Variants in LAMP2 observed in about 807,000 individuals in gnomAD.
The protein encoded by LAMP2 is lysosome-associated membrane glycoprotein 2.
LAMP2 carries 4 observed loss-of-function variants against 25.6 expected under a neutral mutation model. The observed-to-expected ratio is 0.16, with a 90% CI of 0.08 to 0.36. The LOEUF (loss-of-function observed/expected upper bound fraction) is 0.36. LAMP2 is among the 10% of genes least tolerant of loss of function. The probability of loss-of-function intolerance (pLI) is 1.00; values close to 1 mark genes in which losing one functional copy is unlikely to be tolerated. For missense variants in LAMP2, 272 were observed against 301.4 expected, an observed-to-expected ratio of 0.90 and a Z score of 0.72; for synonymous variants, 108 against 112.7, an observed-to-expected ratio of 0.96 and a Z score of 0.27.
chrX:120,465,911 A>G (rs1304847607), intron 1 of LAMP2, among the ~76,000 whole-genome samples: 3 of 112,660 alleles, frequency 2.7e-5, no homozygotes, highest in Non-Finnish European at 3.7e-5. Flanking sequence ...AGCAACTGCT[A>G]AATTCTTGAC....
chrX:120,436,286 T>C (rs905895814), intron 8 of LAMP2, among the ~76,000 whole-genome samples: 3 of 111,332 alleles, frequency 2.7e-5, no homozygotes, highest in Non-Finnish European at 5.7e-5. Context: ...CCCAGGTTGA[T>C]CTTATTCTGT....
At chrX:120,466,797 T>G (rs1481355522) in intron 1 of LAMP2, among the ~76,000 whole-genome samples, 3 of 110,190 alleles carry the variant, frequency 2.7e-5, no homozygotes, top group African/African-American at 9.9e-5. Flanking sequence ...TGCTGTACAC[T>G]GGTGAGAGGA....
intron 8 of LAMP2, among the ~76,000 whole-genome samples, chrX:120,433,356 C>T (rs1228933100): frequency 1.8e-5 from 2 of 110,736 alleles, no homozygotes; most frequent in Non-Finnish European, 3.8e-5. Flanking sequence ...ATGATTAAGG[C>T]AGGACAAAAG....
In LAMP2 at chrX:120,428,446, C is replaced by G; in HGVS notation, c.*2877G>C. 1.7e-6 allele frequency: 2 copies of G among 1,147,876 alleles called. No individual in the cohort carries two copies. The highest frequency in any genetic ancestry group is 4.4e-5 in the South Asian group (2 of 45,399). 94.6% of individuals were successfully genotyped at this position (1,147,876 alleles called of 1,213,427 possible). A position where few individuals can be genotyped will look rare whatever the true frequency, so the allele number is the denominator to read the frequency against. Reference sequence around the variant, plus strand: ...CTTTTAGCCAATGGAAACGTAACTTCTAATTGAAAAAAACAAACAAACACT... The same window carrying G: ...CTTTTAGCCAATGGAAACGTAACTTGTAATTGAAAAAAACAAACAAACACT... On this transcript the variant is annotated 3_prime_UTR_variant, in exon 9 of 9. Transcript: ENST00000200639.
chrX:120,446,106 AC>A (rs2058594756), intron 6 of LAMP2, among the ~76,000 whole-genome samples, 198 bp downstream of exon 6: 1 of 111,135 alleles, frequency 9.0e-6, no homozygotes, highest in Non-Finnish European at 1.9e-5. Context: ...CTCTTGGTGA[AC>A]ATTAATGCAA....
chrX:120,442,022 T>C, intron 7 of LAMP2, 128 bp from the exon 8 acceptor site: 1 of 562,607 alleles, frequency 1.8e-6, no homozygotes, highest in Non-Finnish European at 3.0e-6. Context: ...GCAGATCACG[T>C]GAGCCCAGGA....
intron 6 of LAMP2, among the ~76,000 whole-genome samples, chrX:120,445,354 C>T (rs375419505): frequency 8.9e-6 from 1 of 112,043 alleles, no homozygotes; most frequent in Non-Finnish European, 1.9e-5. Flanking sequence ...CTCAATTACT[C>T]GGCATATATT....
intron 5 of LAMP2, among the ~76,000 whole-genome samples, chrX:120,447,313 C>G (rs942264124): frequency 1.1e-4 from 12 of 111,305 alleles, no homozygotes; most frequent in African/African-American, 3.9e-4. Context: ...GAGGCTGAGG[C>G]AGAAGAATCA....
chrX:120,443,976 G>C (rs1370274883), intron 6 of LAMP2, among the ~76,000 whole-genome samples: 1 of 105,698 alleles, frequency 9.5e-6, no homozygotes, highest in Non-Finnish European at 1.9e-5. Context: ...GCGAGACTCT[G>C]TCAAAGAAAG....
intron 8 of LAMP2, among the ~76,000 whole-genome samples, chrX:120,435,891 G>A (rs868108046): frequency 3.6e-5 from 4 of 111,075 alleles, no homozygotes; most frequent in Admixed American, 1.9e-4. Flanking sequence ...GAAGGCTCAA[G>A]TATTTTAGAG....
At position 120,436,861 on chromosome X, in the gene LAMP2, C is replaced by G. The variant is rs1207298282; in HGVS notation, c.1093+4869G>C. ...AACAGTGTTTATTAGAGGTATTTTA[C>G]TATGAATCAGGCATATAATCTGAAT... is the stretch of plus-strand genomic sequence containing the variant. On this transcript the variant is annotated intron_variant, in intron 8 of 8. Coordinates refer to ENST00000200639, the MANE Select transcript of LAMP2 (RefSeq NM_002294.3). The G allele has an allele frequency of 8.2e-6, 6 of 734,777 alleles. No homozygotes were observed. The African/African-American group carries it at 1.4e-4, about 17-fold the overall frequency. The allele number at this position is 734,777 out of a possible 1,213,427, so 60.6% of individuals were successfully genotyped here. A position where few individuals can be genotyped will look rare whatever the true frequency, so the allele number is the denominator to read the frequency against.
chrX:120,432,925 T>A (rs1375526326), intron 8 of LAMP2, among the ~76,000 whole-genome samples: 6 of 82,599 alleles, frequency 7.3e-5, no homozygotes, highest in Non-Finnish European at 1.3e-4. Flanking sequence ...CGAGAACCCA[T>A]CTCAAAAAAA....
intron 8 of LAMP2, among the ~76,000 whole-genome samples, chrX:120,440,375 C>T (rs979134808): frequency 1.3e-4 from 15 of 111,889 alleles, no homozygotes; most frequent in Non-Finnish European, 2.4e-4. Context: ...CCAATCAACA[C>T]TCTTCTGCCT....
chrX:120,454,043 G>A (rs1454583161), intron 3 of LAMP2, among the ~76,000 whole-genome samples: 1 of 110,783 alleles, frequency 9.0e-6, no homozygotes, highest in Admixed American at 9.6e-5. Context: ...AATATTCAAT[G>A]GAGAATTCCA....
At chrX:120,463,123 C>T (rs1921389176) in intron 1 of LAMP2, among the ~76,000 whole-genome samples, 1 of 111,775 alleles carries the variant, frequency 8.9e-6, no homozygotes, top group South Asian at 3.7e-4. Flanking sequence ...ACCTATTTAT[C>T]TTTGTTTTCT....
rs57747255 is a variant in LAMP2, at chrX:120,455,944, C to CAAA, written c.184-377_184-375dup. 6.2e-4 allele frequency among the ~76,000 whole-genome samples: 57 copies of CAAA among 92,430 alleles called. 1 individual carries two copies. The highest frequency in any genetic ancestry group is 1.8e-3 in the South Asian group (3 of 1,660). 80.3% of individuals were successfully genotyped at this position (92,430 alleles called of 115,157 possible). A position where few individuals can be genotyped will look rare whatever the true frequency, so the allele number is the denominator to read the frequency against. ...GTGCAAAAGTAATTGCAGTTTGTGCCAAAAAAAAAAATCGCTTACTTAGGT... is the reference window on the plus strand; with the variant it reads ...GTGCAAAAGTAATTGCAGTTTGTGCCAAAAAAAAAAAAAATCGCTTACTTAGGT... On this transcript the variant is annotated intron_variant, in intron 2 of 8. Coordinates refer to ENST00000200639, the MANE Select transcript of LAMP2 (RefSeq NM_002294.3).
chrX:120,455,124 T>C (rs2058640436), intron 3 of LAMP2, among the ~76,000 whole-genome samples: 1 of 105,471 alleles, frequency 9.5e-6, no homozygotes, highest in Non-Finnish European at 1.9e-5. Flanking sequence ...ACTTACTGTA[T>C]ACTAGGATAA....
At chrX:120,462,079 T>C (rs1921334563) in intron 1 of LAMP2, among the ~76,000 whole-genome samples, 1 of 112,030 alleles carries the variant, frequency 8.9e-6, no homozygotes, top group African/African-American at 3.2e-5. Flanking sequence ...TAAAAAACCA[T>C]AGATGAATAT....
rs1311498256 is a variant in LAMP2, at chrX:120,469,250, C to T, written c.-81G>A. 4.8e-6 allele frequency: 5 copies of T among 1,045,311 alleles called. No individual in the cohort carries two copies. The highest frequency in any genetic ancestry group is 3.7e-5 in the African/African-American group (2 of 54,091). 86.1% of individuals were successfully genotyped at this position (1,045,311 alleles called of 1,213,427 possible). A position where few individuals can be genotyped will look rare whatever the true frequency, so the allele number is the denominator to read the frequency against. On this transcript the variant is annotated 5_prime_UTR_variant, in exon 1 of 9. Coordinates refer to ENST00000200639, the MANE Select transcript of LAMP2 (RefSeq NM_002294.3). Reference sequence around the variant, plus strand: ...AACACCAGGGAAAAGGCTCGCTGGACCTGGGTCAAGAGCACTGATGACCAC... The same window carrying T: ...AACACCAGGGAAAAGGCTCGCTGGATCTGGGTCAAGAGCACTGATGACCAC...
Sources: allele counts gnomAD v4.1 joint callset (sites outside exome capture counted in the v4.1 genomes callset), GRCh38; gene constraint gnomAD v4.1.1; transcripts MANE v1.5; gene names NCBI Gene and HGNC (gene_info 2026-07-23, HGNC 2026-07-21).